CHN2: variants seen among roughly 807,000 people sequenced by gnomAD.
CHN2 encodes chimerin 2, also known as beta-chimaerin.
A neutral mutation model predicts 56.3 loss-of-function variants in CHN2; 35 were observed. The ratio of observed to expected loss-of-function variants is 0.62; its 90% CI spans 0.47 to 0.82. The LOEUF is 0.82. Among genes scored for constraint, CHN2 ranks in the 40% least tolerant of loss-of-function variants. The pLI, the probability that CHN2 is intolerant of heterozygous loss-of-function variation, is 0.00. For missense variants in CHN2, 491 were observed against 580.5 expected (o/e 0.85, Z 1.58); for synonymous variants, 210 against 212.8 (o/e 0.99, Z 0.12).
chr7:29,383,910 C>T (rs916763103), intron 3 of CHN2, among the ~76,000 whole-genome samples: 7 of 152,096 alleles, frequency 4.6e-5, no homozygotes, highest in Non-Finnish European at 7.4e-5. Context: ...AGACTACTTT[C>T]GTAGTCTAGA....
At chr7:29,484,343 G>C (rs1364804992) in intron 7 of CHN2, among the ~76,000 whole-genome samples, 1 of 152,152 alleles carries the variant, frequency 6.6e-6, no homozygotes, top group Non-Finnish European at 1.5e-5. Context: ...CCACAAACTT[G>C]GTGGCTTAAA....
At chr7:29,303,541 G>C (rs913192284) in intron 1 of CHN2, among the ~76,000 whole-genome samples, 1 of 152,140 alleles carries the variant, frequency 6.6e-6, no homozygotes, top group African/African-American at 2.4e-5. Context: ...GGATCTGCCT[G>C]GAGGTGGGTG....
chr7:29,220,610 T>G (rs1027214958), intron 1 of CHN2, among the ~76,000 whole-genome samples: 5 of 152,168 alleles, frequency 3.3e-5, no homozygotes, highest in Admixed American at 2.0e-4. Context: ...AGAAGAAATT[T>G]AAAATCTGAA....
rs985667281 is a variant in CHN2 at position 29,194,882 on chromosome 7, G to T, written c.-60G>T. 3 of 1,381,484 alleles carry T rather than the reference G, an allele frequency of 2.2e-6. 1 individual carries two copies. The African/African-American group carries it at 4.6e-5, about 21-fold the overall frequency. 85.6% of individuals were successfully genotyped at this position (1,381,484 alleles called of 1,614,324 possible). A position where few individuals can be genotyped will look rare whatever the true frequency, so the allele number is the denominator to read the frequency against. On this transcript the variant is annotated 5_prime_UTR_variant, in exon 1 of 13. Coordinates refer to ENST00000222792, the MANE Select transcript of CHN2 (RefSeq NM_004067.4). The stretch of plus-strand genomic sequence containing the variant: ...GGAGGCTGCGAGCGGCCGGGCGAGG[G>T]CAGCGGCGGCGGCGTCCGCACCGGG...
intron 1 of CHN2, among the ~76,000 whole-genome samples, chr7:29,348,963 T>C (rs1242052814): frequency 6.6e-6 from 1 of 152,212 alleles, no homozygotes; most frequent in Non-Finnish European, 1.5e-5. Context: ...TATTTACCTT[T>C]TCTTAAAAAT....
chr7:29,247,298 A>G (rs919385306), intron 1 of CHN2, among the ~76,000 whole-genome samples: 7 of 152,198 alleles, frequency 4.6e-5, no homozygotes, highest in African/African-American at 1.7e-4. Flanking sequence ...ACTGATGTTT[A>G]TGTGATCACA....
At chr7:29,343,765 C>T (rs1231865721) in intron 1 of CHN2, among the ~76,000 whole-genome samples, 2 of 152,044 alleles carry the variant, frequency 1.3e-5, no homozygotes, top group African/African-American at 4.8e-5. Context: ...CCCTCCCCCA[C>T]TCTCATGTTC....
chr7:29,337,732 C>A (rs192595722), intron 1 of CHN2, among the ~76,000 whole-genome samples: 2 of 152,284 alleles, frequency 1.3e-5, no homozygotes, highest in South Asian at 4.1e-4. Context: ...TAGCATCTTG[C>A]AGGTTGTGAG....
chr7:29,487,471 A>G (rs1041595001), intron 7 of CHN2, among the ~76,000 whole-genome samples: 2 of 152,130 alleles, frequency 1.3e-5, no homozygotes, highest in Non-Finnish European at 2.9e-5. Flanking sequence ...TCCACATTAT[A>G]ATGATTACAA....
chr7:29,296,070 C>T (rs893486633), intron 1 of CHN2, among the ~76,000 whole-genome samples: 6 of 144,976 alleles, frequency 4.1e-5, no homozygotes, highest in Non-Finnish European at 7.4e-5. Flanking sequence ...AAGGTCTGTC[C>T]GTGTGTAATC....
chr7:29,484,792 G>A (rs1787777477), intron 7 of CHN2, among the ~76,000 whole-genome samples: 1 of 152,146 alleles, frequency 6.6e-6, no homozygotes, highest in African/African-American at 2.4e-5. Context: ...TCAATAGGAA[G>A]GATCTCTAGC....
chr7:29,260,729 T>C (rs1015271225), intron 1 of CHN2, among the ~76,000 whole-genome samples: 1 of 152,190 alleles, frequency 6.6e-6, no homozygotes, highest in Admixed American at 6.5e-5. Context: ...TTCAGGTGAA[T>C]ATTTTATTCA....
At chr7:29,392,518 A>C (rs1272090430) in intron 3 of CHN2, among the ~76,000 whole-genome samples, 1 of 152,224 alleles carries the variant, frequency 6.6e-6, no homozygotes, top group East Asian at 1.9e-4. Flanking sequence ...TAAAATGCAC[A>C]GGAGAGTGAA....
chr7:29,363,095 T>C (rs1025453376), intron 2 of CHN2, among the ~76,000 whole-genome samples: 1 of 152,154 alleles, frequency 6.6e-6, no homozygotes, highest in Non-Finnish European at 1.5e-5. Context: ...CCCCTTTGAC[T>C]CCTGTTACAC....
chr7:29,310,626 A>G (rs1794527269), intron 1 of CHN2, among the ~76,000 whole-genome samples: 1 of 152,244 alleles, frequency 6.6e-6, no homozygotes, highest in South Asian at 2.1e-4. Flanking sequence ...CTGCTATAAC[A>G]AAAACATCAC....
intron 1 of CHN2, among the ~76,000 whole-genome samples, chr7:29,263,452 C>T (rs930204730): frequency 1.4e-4 from 21 of 152,048 alleles, no homozygotes; most frequent in Non-Finnish European, 2.1e-4. Context: ...GCCGCCACCC[C>T]GTATAGGAAG....
chr7:29,211,227 T>C (rs1172573339), intron 1 of CHN2, among the ~76,000 whole-genome samples: 10 of 151,044 alleles, frequency 6.6e-5, no homozygotes, highest in South Asian at 2.1e-4. Flanking sequence ...CCTGCCACCA[T>C]GCCCAGCTAA....
intron 1 of CHN2, among the ~76,000 whole-genome samples, chr7:29,277,186 C>G (rs999166672): frequency 6.6e-6 from 1 of 152,188 alleles, no homozygotes; most frequent in Non-Finnish European, 1.5e-5. Context: ...AGATGCAGAT[C>G]ATTAGCTGAG....
chr7:29,468,135 GA>G (rs1458638281), intron 6 of CHN2, among the ~76,000 whole-genome samples: 1 of 72,162 alleles, frequency 1.4e-5, no homozygotes, highest in Non-Finnish European at 2.9e-5. Context: ...AAACCAAACG[GA>G]CCCGCCCCCC....
Sources: gnomAD v4.1 joint callset for allele counts (sites outside exome capture counted in the v4.1 genomes callset) on GRCh38, gnomAD v4.1.1 for gene constraint, MANE v1.5 for transcripts, NCBI Gene and HGNC (gene_info 2026-07-23, HGNC 2026-07-21) for gene names.